The following SNRK variants were observed in gnomAD, a reference collection of about 807,000 sequenced individuals.
SNRK encodes the protein SNF related kinase.
A neutral mutation model predicts 48.2 loss-of-function variants in SNRK; 3 were observed. The ratio of observed to expected loss-of-function variants is 0.06; its 90% CI spans 0.03 to 0.16. The LOEUF is 0.16. Among genes scored for constraint, SNRK ranks in the 10% least tolerant of loss-of-function variants. SNRK has a pLI of 1.00. For missense variants in SNRK, 627 were observed against 976.0 expected (o/e 0.64, Z 4.76); for synonymous variants, 376 against 366.1 (o/e 1.03, Z -0.31).
At chr3:43,297,843 A>T (rs935446682) in intron 1 of SNRK, among the ~76,000 whole-genome samples, 7 of 152,296 alleles carry the variant, frequency 4.6e-5, no homozygotes, top group African/African-American at 1.7e-4. Context: ...CTAACTAGAG[A>T]CATTATTTCC....
chr3:43,303,228 G>A lies in SNRK; in HGVS notation c.25G>A (p.Asp9Asn). The change falls in exon 3 of 7, where the codon GAT becomes AAT. Residue 9 changes from aspartate (D) to asparagine (N), a missense_variant. Transcript: ENST00000296088. This position sits in a 1 kb window ranked among gnomAD's most constrained non-coding sequence, Gnocchi z 6.2. MAGFKRGY[D>N]GKIAGLYDLD... ...CATGGCAGGATTTAAGCGAGGGTAT[G>A]ATGGAAAGATTGCTGGATTATATGA... is the stretch of plus-strand genomic sequence containing the variant. The A allele has an allele frequency of 6.2e-7, 1 of 1,613,860 alleles. No homozygotes were observed. The highest frequency in any genetic ancestry group is 8.5e-7 in the Non-Finnish European group (1 of 1,179,772).
At chr3:43,297,039 A>G (rs1167957802) in intron 1 of SNRK, among the ~76,000 whole-genome samples, 1 of 152,220 alleles carries the variant, frequency 6.6e-6, no homozygotes, top group Non-Finnish European at 1.5e-5. Flanking sequence ...GCCTAGTTAT[A>G]TGCCTGTGCT....
intron 3 of SNRK, among the ~76,000 whole-genome samples, chr3:43,322,392 T>C (rs565820733): frequency 6.6e-6 from 1 of 152,338 alleles, no homozygotes; most frequent in South Asian, 2.1e-4. Context: ...GGTAGTAGCT[T>C]TGATTACAGT....
intron 4 of SNRK, among the ~76,000 whole-genome samples, chr3:43,333,947 AC>A (rs1181710296): frequency 6.6e-6 from 1 of 152,120 alleles, no homozygotes; most frequent in Non-Finnish European, 1.5e-5. Context: ...GGAGTTCGAG[AC>A]CAGCCTGATC....
intron 5 of SNRK, 111 bp downstream of exon 5, chr3:43,340,610 T>G: frequency 4.4e-6 from 4 of 905,190 alleles, no homozygotes; most frequent in Non-Finnish European, 6.7e-6. Context: ...GAGTTCCCAG[T>G]TGGCAAGAGT....
intron 3 of SNRK, among the ~76,000 whole-genome samples, chr3:43,308,912 A>G (rs1338430928): frequency 6.6e-6 from 1 of 152,222 alleles, no homozygotes; most frequent in Non-Finnish European, 1.5e-5. Flanking sequence ...CATTAAGTAC[A>G]TTTGTGACTC....
At chr3:43,312,087 G>T (rs2090982770) in intron 3 of SNRK, among the ~76,000 whole-genome samples, 4 of 152,032 alleles carry the variant, frequency 2.6e-5, no homozygotes, top group Admixed American at 2.6e-4. Context: ...AGTCTTCTAG[G>T]ATGTTACAGA....
chr3:43,336,398 C>T (rs1266139375), intron 4 of SNRK, among the ~76,000 whole-genome samples: 2 of 151,990 alleles, frequency 1.3e-5, no homozygotes, highest in East Asian at 1.9e-4. Flanking sequence ...TAAAATCATA[C>T]ATAGCTCACT....
intron 3 of SNRK, among the ~76,000 whole-genome samples, chr3:43,323,368 A>C (rs1036445696): frequency 1.3e-5 from 2 of 152,260 alleles, no homozygotes; most frequent in Admixed American, 1.3e-4. Flanking sequence ...AAGCACATGC[A>C]GATGTTCCAC....
At chr3:43,293,587 T>G (rs183623384) in intron 1 of SNRK, among the ~76,000 whole-genome samples, 42 of 152,264 alleles carry the variant, frequency 2.8e-4, no homozygotes, top group African/African-American at 9.4e-4. Context: ...TTTTAAAATA[T>G]ATACATTCAT....
At chr3:43,314,431 AC>A (rs1390739982) in intron 3 of SNRK, among the ~76,000 whole-genome samples, 1 of 152,184 alleles carries the variant, frequency 6.6e-6, no homozygotes, top group African/African-American at 2.4e-5. Context: ...ATAGCTATTA[AC>A]TTACTGTTTC....
intron 5 of SNRK, chr3:43,340,711 T>C (rs2091229332): frequency 1.8e-6 from 1 of 559,420 alleles, no homozygotes; most frequent in Admixed American, 3.1e-5. Context: ...AAGTAAGCCA[T>C]TGCTGGGTGG....
chr3:43,340,425 C>T lies in SNRK; in HGVS notation c.870C>T (p.Leu290=). ...YNIPLVSYKN[L]SEEEHNSIIQ... ...TTCCCCTTGTGTCATACAAAAATCT[C>T]TCGGAAGAGGAGCACAACAGCATCA... The change falls in exon 5 of 7, where the codon CTC becomes CTT. Residue 290 remains leucine (L), a synonymous_variant. Coordinates refer to ENST00000296088, the MANE Select transcript of SNRK (RefSeq NM_017719.5). 1.2e-6 allele frequency: 2 copies of T among 1,614,166 alleles called. No individual in the cohort carries two copies. Among genetic ancestry groups the T allele is most frequent in the South Asian group, 1.1e-5 (1 of 91,088 alleles).
chr3:43,297,832 C>A (rs953493823), intron 1 of SNRK, among the ~76,000 whole-genome samples: 1 of 152,094 alleles, frequency 6.6e-6, no homozygotes, highest in African/African-American at 2.4e-5. Flanking sequence ...GTCTTTGATG[C>A]CTAACTAGAG....
chr3:43,317,948 C>T (rs919085694), intron 3 of SNRK, among the ~76,000 whole-genome samples: 1 of 152,168 alleles, frequency 6.6e-6, no homozygotes, highest in African/African-American at 2.4e-5. Context: ...CTTAGCATAA[C>T]GCCAGACACA....
chr3:43,303,833 C>A lies in SNRK; in HGVS notation c.589+41C>A. The A allele has an allele frequency of 3.6e-6, 5 of 1,374,970 alleles. No individual in the cohort carries two copies. The highest frequency in any genetic ancestry group is 1.3e-5 in the South Asian group (1 of 79,224). 85.2% of individuals were successfully genotyped at this position (1,374,970 alleles called of 1,614,324 possible). A position where few individuals can be genotyped will look rare whatever the true frequency, so the allele number is the denominator to read the frequency against. On this transcript the variant is annotated intron_variant, in intron 3 of 6. Transcript: ENST00000296088. The surrounding 1 kb of genome is among the most constrained non-coding windows in gnomAD (Gnocchi z 6.2). Reference sequence around the variant, plus strand: ...CCAGTATTTGGCCATTTGAATTCTGCCAGCTAGAGTTGGTCAGATCGGTTG... The same window carrying A: ...CCAGTATTTGGCCATTTGAATTCTGACAGCTAGAGTTGGTCAGATCGGTTG...
chr3:43,310,843 G>A (rs2090974070), intron 3 of SNRK, among the ~76,000 whole-genome samples: 1 of 152,000 alleles, frequency 6.6e-6, no homozygotes, highest in African/African-American at 2.4e-5. Flanking sequence ...TAACAGTTCC[G>A]AAAGTGCTTC....
chr3:43,321,283 T>C (rs1310564093), intron 3 of SNRK, among the ~76,000 whole-genome samples: 2 of 152,192 alleles, frequency 1.3e-5, no homozygotes, highest in Non-Finnish European at 2.9e-5. Flanking sequence ...GCTTTTCTTA[T>C]GGTAAGGAGT....
intron 1 of SNRK, among the ~76,000 whole-genome samples, chr3:43,297,905 T>C (rs2090868791): frequency 6.6e-6 from 1 of 152,170 alleles, no homozygotes; most frequent in Non-Finnish European, 1.5e-5. Context: ...GAACAGCAGT[T>C]CAGTTTCTGA....
Sources: gnomAD v4.1 joint callset for allele counts (sites outside exome capture counted in the v4.1 genomes callset) on GRCh38, gnomAD v4.1.1 for gene constraint, Gnocchi (gnomAD v3.1) non-coding constraint, MANE v1.5 for transcripts, NCBI Gene and HGNC (gene_info 2026-07-23, HGNC 2026-07-21) for gene names.